Variants in GALNT17 observed in about 807,000 individuals in gnomAD.
GALNT17 encodes UDP-GalNAc:polypeptide N-acetylgalactosaminyltransferase-like 3.
GALNT17 carries 29 observed loss-of-function variants against 63.7 expected under a neutral mutation model. That is an observed-to-expected ratio of 0.46 (90% CI 0.34 to 0.62). The LOEUF is 0.62. Ranked by LOEUF, GALNT17 falls within the 20% of genes least tolerant of loss-of-function variation. GALNT17 has a pLI of 0.01. For synonymous variants in GALNT17, 305 were observed against 318.3 expected, an observed-to-expected ratio of 0.96 and a Z score of 0.45; for missense variants, 603 against 799.6, an observed-to-expected ratio of 0.75 and a Z score of 2.97.
chr7:71,338,699 A>G (rs949283479), intron 2 of GALNT17, among the ~76,000 whole-genome samples: 2 of 152,186 alleles, frequency 1.3e-5, no homozygotes, highest in Admixed American at 6.5e-5. Context: ...CTTCTCAAAC[A>G]GATTCTCCAT....
In GALNT17 at chr7:71,572,519, A is replaced by AC. The variant is rs199721679; in HGVS notation, c.1080+1117_1080+1118insC. On this transcript the variant is annotated intron_variant, in intron 6 of 10. Coordinates refer to ENST00000333538, the MANE Select transcript of GALNT17 (RefSeq NM_022479.3). ...CCTGTCTCATTAAAAAAAAAAAAAA[A>AC]AAAAAAAAAAACTACATGTTTAAGG... Among the ~76,000 whole-genome samples the AC allele has an allele frequency of 8.4e-3, 1,241 of 148,308 alleles. 16 individuals carry two copies. The highest frequency in any genetic ancestry group is 0.013 in the Non-Finnish European group (907 of 67,336).
chr7:71,663,723 G>A (rs144331007), intron 6 of GALNT17, among the ~76,000 whole-genome samples: 10 of 152,262 alleles, frequency 6.6e-5, no homozygotes, highest in South Asian at 2.1e-4. Context: ...CATCATACAC[G>A]CAAAACAAAT....
intron 1 of GALNT17, among the ~76,000 whole-genome samples, chr7:71,184,938 CACTTCCTTCCTTCCTTCCTTCCTT>C (rs1283157269): frequency 1.3e-5 from 1 of 76,528 alleles, no homozygotes; most frequent in African/African-American, 6.2e-5. Flanking sequence ...CTCCCTTCCT[CACTTCCTTCCTTCCTTCCTTCCTT>C]CCTTCCTTCC....
intron 5 of GALNT17, among the ~76,000 whole-genome samples, chr7:71,562,564 A>G (rs1789274120): frequency 6.6e-6 from 1 of 152,156 alleles, no homozygotes; most frequent in Non-Finnish European, 1.5e-5. Context: ...CCTTGAATGC[A>G]CAGTTCACAA....
At chr7:71,303,568 T>G (rs2115893856) in intron 1 of GALNT17, among the ~76,000 whole-genome samples, 2 of 152,264 alleles carry the variant, frequency 1.3e-5, no homozygotes, top group East Asian at 3.9e-4. Flanking sequence ...AATACAACAT[T>G]TTTCTGACTT....
intron 1 of GALNT17, among the ~76,000 whole-genome samples, chr7:71,285,122 G>A (rs1416851017): frequency 5.3e-5 from 8 of 152,206 alleles, no homozygotes; most frequent in East Asian, 3.9e-4. Context: ...GACAAATACC[G>A]CAGAAATTAC....
intron 3 of GALNT17, among the ~76,000 whole-genome samples, chr7:71,392,075 C>T (rs190244557): frequency 1.3e-5 from 2 of 152,270 alleles, no homozygotes; most frequent in Admixed American, 6.5e-5. Context: ...GCCTCACCTC[C>T]AACATTGGGG....
At chr7:71,223,530 TC>T (rs1331475861) in intron 1 of GALNT17, among the ~76,000 whole-genome samples, 1 of 152,094 alleles carries the variant, frequency 6.6e-6, no homozygotes, top group African/African-American at 2.4e-5. Flanking sequence ...CTTTTTTTTT[TC>T]GAGCACTTAA....
intron 2 of GALNT17, among the ~76,000 whole-genome samples, chr7:71,370,424 G>GT (rs1792600100): frequency 1.3e-5 from 2 of 151,320 alleles, no homozygotes; most frequent in Non-Finnish European, 3.0e-5. Flanking sequence ...TCAGCCTCCT[G>GT]TGTAGCTGAG....
chr7:71,315,594 C>T (rs914589437), intron 1 of GALNT17, among the ~76,000 whole-genome samples: 4 of 152,134 alleles, frequency 2.6e-5, no homozygotes, highest in African/African-American at 9.7e-5. Context: ...TTCATTATTC[C>T]TCCTTTATAG....
chr7:71,183,815 G>A (rs540153771), intron 1 of GALNT17, among the ~76,000 whole-genome samples: 49 of 152,098 alleles, frequency 3.2e-4, no homozygotes, highest in South Asian at 2.3e-3. Context: ...GCGTGAACCC[G>A]GTAGGCAGAG....
intron 1 of GALNT17, among the ~76,000 whole-genome samples, chr7:71,197,192 CTTTTTTTTTTT>C (rs34276195): frequency 2.9e-5 from 2 of 69,768 alleles, no homozygotes; most frequent in Admixed American, 4.0e-4. Flanking sequence ...CCCTGTTGTG[CTTTTTTTTTTT>C]TTTTTTTTTT....
At chr7:71,533,509 T>TG (rs1788753210) in intron 5 of GALNT17, among the ~76,000 whole-genome samples, 3 of 152,062 alleles carry the variant, frequency 2.0e-5, no homozygotes, top group Admixed American at 6.6e-5. Flanking sequence ...GAGTTGCTGG[T>TG]GAGAGCCTGT....
intron 1 of GALNT17, among the ~76,000 whole-genome samples, chr7:71,192,234 A>AC (rs1476683602): frequency 6.6e-6 from 1 of 151,814 alleles, no homozygotes. Flanking sequence ...GTTGGTGCCC[A>AC]CCCCCATTGA....
chr7:71,190,440 C>T (rs1216201735), intron 1 of GALNT17, among the ~76,000 whole-genome samples: 2 of 152,142 alleles, frequency 1.3e-5, no homozygotes, highest in Admixed American at 6.5e-5. Flanking sequence ...CCTGCTCCTG[C>T]TTCACCTTCA....
intron 1 of GALNT17, among the ~76,000 whole-genome samples, chr7:71,267,449 A>AAATAATTCATCAAGGAGG (rs1317495493): frequency 6.6e-6 from 1 of 152,098 alleles, no homozygotes; most frequent in Non-Finnish European, 1.5e-5. Flanking sequence ...AATGACTTTG[A>AAATAATTCATCAAGGAGG]AATAATTCAT....
At chr7:71,432,695 C>T (rs779110065) in intron 5 of GALNT17, among the ~76,000 whole-genome samples, 63 of 152,088 alleles carry the variant, frequency 4.1e-4, no homozygotes, top group East Asian at 3.9e-4. Context: ...AGGTTGAGTG[C>T]GATGGCTCTG....
At chr7:71,711,569 TTC>T (rs1385594048) in intron 10 of GALNT17, among the ~76,000 whole-genome samples, 9 of 150,134 alleles carry the variant, frequency 6.0e-5, no homozygotes, top group Non-Finnish European at 8.9e-5. Flanking sequence ...CTCTCTCCCT[TTC>T]TCTCTTTCTC....
chr7:71,370,730 A>G (rs1038917812), intron 2 of GALNT17, among the ~76,000 whole-genome samples: 12 of 152,088 alleles, frequency 7.9e-5, no homozygotes, highest in Admixed American at 7.9e-4. Context: ...AGCCTCCCAA[A>G]GTGCTGGGAT....
Sources: allele counts gnomAD v4.1 joint callset (sites outside exome capture counted in the v4.1 genomes callset), GRCh38; gene constraint gnomAD v4.1.1; transcripts MANE v1.5; gene names NCBI Gene and HGNC (gene_info 2026-07-23, HGNC 2026-07-21).